PCDHGB4: variants seen among roughly 807,000 people sequenced by gnomAD.
PCDHGB4 encodes the protein protocadherin gamma-B4.
Under a neutral mutation model 60.5 loss-of-function variants are expected in PCDHGB4, and 38 were observed. That is an observed-to-expected ratio of 0.63 (90% confidence interval 0.48 to 0.82). The LOEUF (loss-of-function observed/expected upper bound fraction) is 0.82, where lower values mean the gene tolerates loss of function less well. PCDHGB4 is among the 40% of genes least tolerant of loss of function. PCDHGB4 has a pLI of 0.00. For missense variants in PCDHGB4, 1,109 were observed against 1,209.6 expected (o/e 0.92, Z 1.23); for synonymous variants, 456 against 509.7 (o/e 0.89, Z 1.42).
intron 1 of PCDHGB4, chr5:141,398,768 C>T (rs1177677138): frequency 6.2e-6 from 10 of 1,613,946 alleles, no homozygotes; most frequent in South Asian, 1.1e-5. Context: ...GTCCTGACTG[C>T]CTTGGACGGT....
At chr5:141,393,876 C>A in intron 1 of PCDHGB4, 1 of 1,613,862 alleles carries the variant, frequency 6.2e-7, no homozygotes, top group Non-Finnish European at 8.5e-7. Context: ...TTTGTTTAGC[C>A]CAGTGTTAGA....
Position 141,477,902 on chromosome 5 carries a change from T to A in PCDHGB4, c.2398-16905T>A. ...CCACCTAGTGTCACGGGTGGTAGGC[T>A]GGGACGCGGATGCAGGGCACAATGC... On this transcript the variant is annotated intron_variant, in intron 1 of 3. Transcript: ENST00000519479. The surrounding 1 kb of genome is among the most constrained non-coding windows in gnomAD (Gnocchi z 4.9). The A allele has an allele frequency of 6.2e-7, 1 of 1,614,176 alleles. No homozygotes were observed. Among genetic ancestry groups the A allele is most frequent in the Non-Finnish European group, 8.5e-7 (1 of 1,180,028 alleles).
chr5:141,488,540 A>C (rs901890616), intron 1 of PCDHGB4, among the ~76,000 whole-genome samples: 6 of 152,146 alleles, frequency 3.9e-5, no homozygotes, highest in Admixed American at 2.0e-4. Context: ...GCTAAGTCCC[A>C]TGTCAGCTGA....
chr5:141,395,548 G>T (rs869036595), intron 1 of PCDHGB4: 6 of 21,284 alleles, frequency 2.8e-4, no homozygotes, highest in African/African-American at 1.1e-3. Context: ...TTGTTTGTGT[G>T]TGTGTGTGTG....
rs116187844 is a variant in PCDHGB4, at chr5:141,424,198, C to T, written c.2397+33917C>T. The T allele has an allele frequency of 8.5e-3, 1,543 of 182,010 alleles. 28 individuals are homozygous for T. Among genetic ancestry groups the T allele is most frequent in the African/African-American group, 0.035 (1,445 of 41,852 alleles). The allele number at this position is 182,010 out of a possible 1,614,324, so 11.3% of individuals were successfully genotyped here. ...ATACACATGCACACACACTTATACA[C>T]GTAAGCTTTTCTCTGAGCAATTTTA... On this transcript the variant is annotated intron_variant, in intron 1 of 3. Coordinates refer to ENST00000519479, the MANE Select transcript of PCDHGB4 (RefSeq NM_003736.4).
intron 1 of PCDHGB4, among the ~76,000 whole-genome samples, chr5:141,447,983 G>A (rs1311439824): frequency 6.6e-6 from 1 of 151,972 alleles, no homozygotes; most frequent in Non-Finnish European, 1.5e-5. Context: ...CTACTCGGGA[G>A]GCTGAGGCAT....
intron 1 of PCDHGB4, chr5:141,422,218 A>T: frequency 1.3e-6 from 2 of 1,564,130 alleles, no homozygotes; most frequent in Non-Finnish European, 8.6e-7. Flanking sequence ...TCTCTTTACC[A>T]CCACGACGAT....
At chr5:141,494,069 C>T (rs1249076667) in intron 1 of PCDHGB4, among the ~76,000 whole-genome samples, 1 of 152,146 alleles carries the variant, frequency 6.6e-6, no homozygotes, top group Non-Finnish European at 1.5e-5. Context: ...GAGCTGGATC[C>T]CTCCCCGCTG....
rs1014758036 is a variant in PCDHGB4 at position 141,486,472 on chromosome 5, T to C, written c.2398-8335T>C. The C allele has an allele frequency of 6.2e-7, 1 of 1,614,032 alleles. No homozygotes were observed. Among genetic ancestry groups the C allele is most frequent in the Non-Finnish European group, 8.5e-7 (1 of 1,179,862 alleles). ...TCACTGCTTCTGATGCTGGGAACCC[T>C]CCTCTCAGTACCCACAGAACTATTT... On this transcript the variant is annotated intron_variant, in intron 1 of 3. Coordinates refer to ENST00000519479, the MANE Select transcript of PCDHGB4 (RefSeq NM_003736.4). This position sits in a 1 kb window ranked among gnomAD's most constrained non-coding sequence, Gnocchi z 5.0.
chr5:141,443,308 C>T (rs1484035480), intron 1 of PCDHGB4, among the ~76,000 whole-genome samples: 7 of 136,252 alleles, frequency 5.1e-5, no homozygotes, highest in African/African-American at 2.2e-4. Context: ...TGGCAAAAAC[C>T]CATCTCTACA....
In PCDHGB4 at chr5:141,389,863, TG is replaced by T; in HGVS notation, c.1981del (p.Val661SerfsTer30). ...PPLSATATLH[L>X]VFADSLQEVL... is the part of the protein sequence containing the mutation. ...CTCTCGGCCACTGCCACGTTGCACCTGGTCTTCGCCGACAGCTTGCAGGAGG... is the reference window on the plus strand; with the variant it reads ...CTCTCGGCCACTGCCACGTTGCACCTGTCTTCGCCGACAGCTTGCAGGAGG... On this transcript the variant is annotated frameshift_variant, in exon 1 of 4. Coordinates refer to ENST00000519479, the MANE Select transcript of PCDHGB4 (RefSeq NM_003736.4). LOFTEE classifies it high-confidence loss of function. The T allele has an allele frequency of 1.2e-6, 2 of 1,614,064 alleles. No individual in the cohort carries two copies. Among genetic ancestry groups the T allele is most frequent in the Non-Finnish European group, 1.7e-6 (2 of 1,179,900 alleles).
At position 141,389,455 on chromosome 5, in the gene PCDHGB4, G is replaced by A. The variant is rs1345301697; in HGVS notation, c.1571G>A (p.Arg524His). 6.2e-7 allele frequency: 1 copy of A among 1,613,044 alleles called. No individual in the cohort carries two copies. The highest frequency in any genetic ancestry group is 1.7e-5 in the Admixed American group (1 of 59,940). ...CGCGCCTTCGACCACGAGCAGCTGC[G>A]CGCCTTCGAACTCACACTGCAGGCC... is the stretch of plus-strand genomic sequence containing the variant. Reference protein sequence around the residue: ...AQRAFDHEQLRAFELTLQARD... With the variant: ...AQRAFDHEQLHAFELTLQARD... Residue 524 changes from arginine to histidine, a missense_variant, in exon 1 of 4, where the codon CGC becomes CAC. Arg to His is a conservative substitution (Grantham distance 29, BLOSUM62 0). This residue lies in a region of PCDHGB4 where 1,068 missense variants were observed against 1,089.9 expected (regional missense o/e 0.98). Transcript: ENST00000519479.
chr5:141,477,162 C>A lies in PCDHGB4; in HGVS notation c.2398-17645C>A, dbSNP rs147392557. ...GAGGTTGTGGATGTGAATGACAACG[C>A]CCCGGAGATCACAGTCACCTCCGTG... On this transcript the variant is annotated intron_variant, in intron 1 of 3. Transcript: ENST00000519479. This position sits in a 1 kb window ranked among gnomAD's most constrained non-coding sequence, Gnocchi z 4.9. 3.5e-5 allele frequency: 57 copies of A among 1,614,162 alleles called. No homozygotes were observed. The Middle Eastern group carries it at 9.9e-4, about 28-fold the overall frequency.
chr5:141,427,646 C>A, intron 1 of PCDHGB4: 1 of 715,440 alleles, frequency 1.4e-6, no homozygotes, highest in East Asian at 2.7e-5. Context: ...ACCAAGTCTC[C>A]TACGTGGTCC....
At position 141,485,831 on chromosome 5, in the gene PCDHGB4, C is replaced by A; in HGVS notation, c.2398-8976C>A. The A allele has an allele frequency of 6.2e-7, 1 of 1,614,080 alleles. No individual in the cohort carries two copies. Among genetic ancestry groups the A allele is most frequent in the Non-Finnish European group, 8.5e-7 (1 of 1,180,026 alleles). ...GCTGACTGCTGTCGATGGAGGGAAC[C>A]CGCCGAGATCTGGCACCGCAGAGCT... On this transcript the variant is annotated intron_variant, in intron 1 of 3. Coordinates refer to ENST00000519479, the MANE Select transcript of PCDHGB4 (RefSeq NM_003736.4). The surrounding 1 kb of genome is among the most constrained non-coding windows in gnomAD (Gnocchi z 5.7).
At chr5:141,391,358 G>T (rs2150448712) in intron 1 of PCDHGB4, 1 of 150,474 alleles carries the variant, frequency 6.6e-6, no homozygotes, top group East Asian at 1.9e-4. Context: ...TGTTACTCAG[G>T]CTGTAGTGCA....
chr5:141,508,919 C>T (rs1166086266), intron 3 of PCDHGB4, among the ~76,000 whole-genome samples: 1 of 151,996 alleles, frequency 6.6e-6, no homozygotes, highest in Non-Finnish European at 1.5e-5. Context: ...GATCTGGCTT[C>T]CTTTTGGAGT....
At chr5:141,469,306 A>G in intron 1 of PCDHGB4, among the ~76,000 whole-genome samples, 1 of 150,500 alleles carries the variant, frequency 6.6e-6, no homozygotes, top group South Asian at 2.1e-4. Flanking sequence ...ACTGGGCACG[A>G]TGGCTCACGC....
chr5:141,406,528 TGAC>T (rs1369720853), intron 1 of PCDHGB4, among the ~76,000 whole-genome samples: 4 of 152,246 alleles, frequency 2.6e-5, no homozygotes, highest in Non-Finnish European at 5.9e-5. Context: ...AGATATTTTC[TGAC>T]GAAGATTCAA....
Sources: gnomAD v4.1 joint callset for allele counts (sites outside exome capture counted in the v4.1 genomes callset) on GRCh38, gnomAD v4.1.1 for gene constraint, gnomAD v4.1.1 regional missense constraint, Gnocchi (gnomAD v3.1) non-coding constraint, MANE v1.5 for transcripts, NCBI Gene and HGNC (gene_info 2026-07-23, HGNC 2026-07-21) for gene names.